The following SLC25A28 variants were observed in gnomAD, a reference collection of about 807,000 sequenced individuals.
The protein encoded by SLC25A28 is mitoferrin-2.
In SLC25A28, 10 loss-of-function variants were observed where a neutral mutation model predicts 31.9. The ratio of observed to expected loss-of-function variants is 0.31; its 90% CI spans 0.19 to 0.53. SLC25A28 has a LOEUF of 0.53. Among genes scored for constraint, SLC25A28 ranks in the 20% least tolerant of loss-of-function variants. The pLI, the probability that SLC25A28 is intolerant of heterozygous loss-of-function variation, is 0.95. For missense variants in SLC25A28, 256 were observed against 490.3 expected (o/e 0.52, Z 4.51); for synonymous variants, 208 against 203.6 (o/e 1.02, Z -0.19).
chr10:99,632,790 A>C, the SLC25A28 span, among the ~76,000 whole-genome samples: 1 of 152,172 alleles, frequency 6.6e-6, no homozygotes, highest in Non-Finnish European at 1.5e-5. Flanking sequence ...GTATCTCACA[A>C]ATTAGCTTCC....
chr10:99,619,505 A>T, intron 1 of SLC25A28: 1 of 758,234 alleles, frequency 1.3e-6, no homozygotes, highest in Non-Finnish European at 1.6e-6. Flanking sequence ...CTGCATTCTC[A>T]CTGCACAATG....
At chr10:99,631,893 T>TA in the SLC25A28 span, among the ~76,000 whole-genome samples, 2 of 107,388 alleles carry the variant, frequency 1.9e-5, no homozygotes, top group Non-Finnish European at 2.0e-5. Flanking sequence ...TTTTTTTTAT[T>TA]TTTTTTTTTT....
rs374194290 is a variant in SLC25A28, at chr10:99,613,948, G to A, written c.292-24C>T. Reference sequence around the variant, plus strand: ...GTCTGAAATTACAGCAAGGAGAAGCGCAATGTCAGCAATGCCAACTTCTCG... The same window carrying A: ...GTCTGAAATTACAGCAAGGAGAAGCACAATGTCAGCAATGCCAACTTCTCG... On this transcript the variant is annotated intron_variant, in intron 1 of 3. Coordinates refer to ENST00000370495, the MANE Select transcript of SLC25A28 (RefSeq NM_031212.4). The surrounding 1 kb of genome is among the most constrained non-coding windows in gnomAD (Gnocchi z 4.9). 5.5e-5 allele frequency: 86 copies of A among 1,557,500 alleles called. No individual in the cohort carries two copies. Among genetic ancestry groups the A allele is most frequent in the Middle Eastern group, 3.5e-4 (2 of 5,676 alleles).
In SLC25A28 at chr10:99,613,518, G is replaced by T; in HGVS notation, c.520+178C>A. 9 of 1,454,632 alleles carry T rather than the reference G, an allele frequency of 6.2e-6. No homozygotes were observed. Among genetic ancestry groups the T allele is most frequent in the Non-Finnish European group, 8.1e-6 (9 of 1,108,742 alleles). 90.1% of individuals were successfully genotyped at this position (1,454,632 alleles called of 1,614,324 possible). A position where few individuals can be genotyped will look rare whatever the true frequency, so the allele number is the denominator to read the frequency against. ...TTGTTGAGGTGCCCCAAAGGAAAAG[G>T]CAGGGTTGAAGCGGCCCGTTGTCTG... On this transcript the variant is annotated intron_variant, in intron 2 of 3. Transcript: ENST00000370495. This position sits in a 1 kb window ranked among gnomAD's most constrained non-coding sequence, Gnocchi z 4.9.
At chr10:99,628,407 C>T in the SLC25A28 span, among the ~76,000 whole-genome samples, 1 of 152,190 alleles carries the variant, frequency 6.6e-6, no homozygotes, top group African/African-American at 2.4e-5. Flanking sequence ...ATGTCAAAAA[C>T]AAATTTGTCT....
At chr10:99,621,147 G>T (rs1461630208), upstream of SLC25A28, 4 of 246,166 alleles carry the variant, frequency 1.6e-5, no homozygotes, top group Non-Finnish European at 2.6e-5. Flanking sequence ...CTCACCTCCA[G>T]GGGGGACCGC....
chr10:99,611,497 C>T lies in SLC25A28; in HGVS notation c.578-131G>A, dbSNP rs949793836. The T allele has an allele frequency of 1.2e-4, 137 of 1,136,358 alleles. No individual in the cohort carries two copies. The African/African-American group carries it at 1.9e-3, about 16-fold the overall frequency. 70.4% of individuals were successfully genotyped at this position (1,136,358 alleles called of 1,614,324 possible). ...GAGAGAAAAAAGTATGAGTGAGCTG[C>T]TGGCTAACCTGAGAAGTCAGCTTCC... On this transcript the variant is annotated intron_variant, in intron 3 of 3. Transcript: ENST00000370495. This position sits in a 1 kb window ranked among gnomAD's most constrained non-coding sequence, Gnocchi z 5.5.
intron 1 of SLC25A28, chr10:99,619,285 TC>T (rs1446220432): frequency 5.1e-6 from 5 of 985,434 alleles, no homozygotes; most frequent in East Asian, 1.1e-4. Flanking sequence ...AGGCAACTTC[TC>T]CCTTTTTGCC....
chr10:99,616,048 C>T, intron 1 of SLC25A28: 1 of 985,338 alleles, frequency 1.0e-6, no homozygotes, highest in South Asian at 4.7e-5. Context: ...TAAGCTATGC[C>T]AAATATAAAA....
the SLC25A28 span, among the ~76,000 whole-genome samples, chr10:99,649,999 G>C: frequency 6.6e-6 from 1 of 151,850 alleles, no homozygotes; most frequent in Non-Finnish European, 1.5e-5. Flanking sequence ...GTTTGTTCTT[G>C]TTCTAGTTCC....
chr10:99,650,637 A>G, the SLC25A28 span, among the ~76,000 whole-genome samples: 8 of 151,452 alleles, frequency 5.3e-5, no homozygotes, highest in Non-Finnish European at 1.0e-4. Flanking sequence ...ATCCGCTCAC[A>G]TCTCAGTCAC....
intron 1 of SLC25A28, chr10:99,616,027 G>C: frequency 1.0e-6 from 1 of 985,420 alleles, no homozygotes; most frequent in Non-Finnish European, 1.2e-6. Flanking sequence ...CTTATGGAGA[G>C]GACCTGGGCA....
At chr10:99,630,549 G>C in the SLC25A28 span, among the ~76,000 whole-genome samples, 1 of 152,144 alleles carries the variant, frequency 6.6e-6, no homozygotes, top group African/African-American at 2.4e-5. Context: ...ACCACATTTT[G>C]AAAAATATTG....
At chr10:99,641,628 A>G in the SLC25A28 span, among the ~76,000 whole-genome samples, 1 of 152,144 alleles carries the variant, frequency 6.6e-6, no homozygotes, top group Non-Finnish European at 1.5e-5. Context: ...TGTTTTAGTC[A>G]TGAAGTCCTT....
At chr10:99,650,701 T>A in the SLC25A28 span, among the ~76,000 whole-genome samples, 1 of 152,056 alleles carries the variant, frequency 6.6e-6, no homozygotes, top group African/African-American at 2.4e-5. Context: ...TAGGAAAGCC[T>A]GGTTTCCCTG....
At chr10:99,620,840 C>A (rs1045413224), upstream of SLC25A28, 3 of 985,376 alleles carry the variant, frequency 3.0e-6, no homozygotes, top group African/African-American at 3.5e-5. Flanking sequence ...GACTTCGGGC[C>A]CCTCACTAGC....
At chr10:99,632,954 G>T in the SLC25A28 span, among the ~76,000 whole-genome samples, 3 of 152,140 alleles carry the variant, frequency 2.0e-5, no homozygotes, top group Admixed American at 6.5e-5. Flanking sequence ...TAACATAAGG[G>T]TCTATCATCT....
intron 1 of SLC25A28, 125 bp downstream of exon 1, chr10:99,619,919 TG>T: frequency 2.1e-6 from 2 of 947,276 alleles, no homozygotes; most frequent in Non-Finnish European, 2.9e-6. Context: ...TCGAATCATG[TG>T]GTAGTGGCAG....
Position 99,613,282 on chromosome 10 carries a change from G to T in SLC25A28, c.520+414C>A. Reference sequence around the variant, plus strand: ...GTGAGTTGGGATCCTGAAAAGGTGAGGCAAAAAGCAGGGGCTTCATTAGTA... The same window carrying T: ...GTGAGTTGGGATCCTGAAAAGGTGATGCAAAAAGCAGGGGCTTCATTAGTA... On this transcript the variant is annotated intron_variant, in intron 2 of 3. Transcript: ENST00000370495. This position sits in a 1 kb window ranked among gnomAD's most constrained non-coding sequence, Gnocchi z 4.9. 2 of 656,804 alleles carry T rather than the reference G, an allele frequency of 3.0e-6. No individual in the cohort carries two copies. The highest frequency in any genetic ancestry group is 3.8e-6 in the Non-Finnish European group (2 of 530,052). 40.7% of individuals were successfully genotyped at this position (656,804 alleles called of 1,614,324 possible).
Sources: gnomAD v4.1 joint callset for allele counts (sites outside exome capture counted in the v4.1 genomes callset) on GRCh38, gnomAD v4.1.1 for gene constraint, Gnocchi (gnomAD v3.1) non-coding constraint, MANE v1.5 for transcripts, NCBI Gene and HGNC (gene_info 2026-07-23, HGNC 2026-07-21) for gene names.